PRPSAP1: variants seen among roughly 807,000 people sequenced by gnomAD.
The protein encoded by PRPSAP1 is phosphoribosyl pyrophosphate synthetase associated protein 1.
A neutral mutation model predicts 39.4 loss-of-function variants in PRPSAP1; 31 were observed. The ratio of observed to expected loss-of-function variants is 0.79; its 90% CI spans 0.59 to 1.06. PRPSAP1 has a LOEUF of 1.06. PRPSAP1 is among the 50% of genes least tolerant of loss of function. The probability of loss-of-function intolerance (pLI) is 0.00; values close to 1 mark genes in which losing one functional copy is unlikely to be tolerated. For missense variants in PRPSAP1, 430 were observed against 511.6 expected (o/e 0.84, Z 1.54); for synonymous variants, 212 against 192.6 (o/e 1.10, Z -0.83).
chr17:76,349,754 TC>T (rs1166138856), intron 1 of PRPSAP1, among the ~76,000 whole-genome samples: 10 of 151,142 alleles, frequency 6.6e-5, no homozygotes, highest in Non-Finnish European at 7.4e-5. Context: ...GGAGCGAAAC[TC>T]CATCTCAAAA....
chr17:76,353,267 C>T (rs1431724914), intron 1 of PRPSAP1: 6 of 462,304 alleles, frequency 1.3e-5, no homozygotes, highest in East Asian at 3.9e-5. Flanking sequence ...GGGTGTGGGA[C>T]TGCGGAGACG....
Position 76,320,341 on chromosome 17 carries a change from G to GAGGGAGGA in PRPSAP1, c.782-6451_782-6450insTCCTCCCT, listed in dbSNP as rs1555592793. Among the ~76,000 whole-genome samples the GAGGGAGGA allele has an allele frequency of 2.3e-3, 159 of 68,456 alleles. 1 individual carries two copies. The highest frequency in any genetic ancestry group is 0.016 in the African/African-American group (155 of 9,482). 44.9% of individuals were successfully genotyped at this position (68,456 alleles called of 152,430 possible). A position where few individuals can be genotyped will look rare whatever the true frequency, so the allele number is the denominator to read the frequency against. On this transcript the variant is annotated intron_variant, in intron 7 of 9. Coordinates refer to ENST00000446526, the MANE Select transcript of PRPSAP1 (RefSeq NM_002766.3). The stretch of plus-strand genomic sequence containing the variant: ...GAAGGGAAGAAGGGAGGGAGGGAGG[G>GAGGGAGGA]AGGAAGGAAGGAAGAAAAAGGAAGA...
At chr17:76,327,376 CG>C (rs1174282244) in intron 7 of PRPSAP1, among the ~76,000 whole-genome samples, 1 of 131,900 alleles carries the variant, frequency 7.6e-6, no homozygotes, top group Admixed American at 7.7e-5. Context: ...AAAAATAGGC[CG>C]GGCACGGTGG....
At chr17:76,337,481 T>A (rs1405185158) in intron 3 of PRPSAP1, 1 of 152,320 alleles carries the variant, frequency 6.6e-6, no homozygotes, top group Non-Finnish European at 1.5e-5. Context: ...AGGCATGGTA[T>A]ACGCATTCAT....
In PRPSAP1 at chr17:76,332,250, C is replaced by T. The variant is rs374968382; in HGVS notation, c.463+13G>A. ...GATCATGCTGGAACCCCAGGGCCCC[C>T]GCGCACACTCACCTGCTTTCGCCAG... On this transcript the variant is annotated intron_variant, in intron 4 of 9. Coordinates refer to ENST00000446526, the MANE Select transcript of PRPSAP1 (RefSeq NM_002766.3). The T allele has an allele frequency of 1.6e-5, 25 of 1,612,760 alleles. 1 individual carries two copies. Among genetic ancestry groups the T allele is most frequent in the African/African-American group, 1.5e-4 (11 of 74,906 alleles).
chr17:76,350,332 G>A (rs139174719), intron 1 of PRPSAP1, among the ~76,000 whole-genome samples: 2,330 of 151,708 alleles, frequency 0.015, 62 homozygotes, highest in African/African-American at 0.052. Flanking sequence ...CCAGCTACTC[G>A]GGAGGCTGAG....
rs114416497 is a variant in PRPSAP1, at chr17:76,346,558, T to C, written c.224-1821A>G. 4.0e-3 allele frequency among the ~76,000 whole-genome samples: 605 copies of C among 152,344 alleles called. 8 individuals are homozygous for C. Among genetic ancestry groups the C allele is most frequent in the African/African-American group, 0.014 (574 of 41,594 alleles). ...AATCTGGACCTTCCAGTGATGCCACTGAGATGGCGCCCCTCAAAAGAGCAG... is the reference window on the plus strand; with the variant it reads ...AATCTGGACCTTCCAGTGATGCCACCGAGATGGCGCCCCTCAAAAGAGCAG... On this transcript the variant is annotated intron_variant, in intron 2 of 9. Coordinates refer to ENST00000446526, the MANE Select transcript of PRPSAP1 (RefSeq NM_002766.3).
Position 76,353,844 on chromosome 17 carries a change from G to A in PRPSAP1, c.-141C>T. The A allele has an allele frequency of 2.2e-6, 3 of 1,377,414 alleles. No individual in the cohort carries two copies. Among genetic ancestry groups the A allele is most frequent in the Middle Eastern group, 2.7e-4 (1 of 3,732 alleles). 85.3% of individuals were successfully genotyped at this position (1,377,414 alleles called of 1,614,324 possible). A position where few individuals can be genotyped will look rare whatever the true frequency, so the allele number is the denominator to read the frequency against. On this transcript the variant is annotated 5_prime_UTR_variant, in exon 1 of 10. Transcript: ENST00000446526. ...GGAGAGCTCCGAGGTCCGTGCCCTT[G>A]CGCACCCCACACCACTGACTACAGC... is the stretch of plus-strand genomic sequence containing the variant.
At chr17:76,352,663 A>T (rs113420155) in intron 1 of PRPSAP1, among the ~76,000 whole-genome samples, 2 of 144,806 alleles carry the variant, frequency 1.4e-5, no homozygotes, top group African/African-American at 5.3e-5. Flanking sequence ...AAAAAAAAAA[A>T]AAAAGAAAAG....
chr17:76,345,994 G>A (rs2071496769), intron 2 of PRPSAP1: 2 of 469,786 alleles, frequency 4.3e-6, no homozygotes, highest in Admixed American at 2.4e-5. Flanking sequence ...AGGGAGAGAA[G>A]GTACCCAAGG....
intron 7 of PRPSAP1, among the ~76,000 whole-genome samples, chr17:76,328,076 A>C (rs184128953): frequency 6.6e-6 from 1 of 151,916 alleles, no homozygotes; most frequent in African/African-American, 2.4e-5. Context: ...GTACCCCTAC[A>C]GTCCCAGCTA....
rs570583112 is a variant in PRPSAP1 at position 76,317,506 on chromosome 17, G to A, written c.782-3615C>T. On this transcript the variant is annotated intron_variant, in intron 7 of 9. Transcript: ENST00000446526. The stretch of plus-strand genomic sequence containing the variant: ...CCACTGCACTCTAGCCTGGGTGACA[G>A]AACGAGACTCCATCTCAGAAAAATA... Among the ~76,000 whole-genome samples, 17 of 152,322 alleles carry A rather than the reference G, an allele frequency of 1.1e-4. No homozygotes were observed. In the South Asian group the frequency reaches 3.3e-3, roughly 30 times the overall value.
chr17:76,316,882 T>C (rs2071130490), intron 7 of PRPSAP1, among the ~76,000 whole-genome samples: 1 of 152,214 alleles, frequency 6.6e-6, no homozygotes. Context: ...CACGCTTCCA[T>C]CACAAGTACA....
chr17:76,331,120 T>C (rs1360048622), intron 4 of PRPSAP1, among the ~76,000 whole-genome samples: 1 of 152,196 alleles, frequency 6.6e-6, no homozygotes, highest in Non-Finnish European at 1.5e-5. Context: ...CACAAAGATA[T>C]TGAAGCTTAG....
At chr17:76,353,242 G>A (rs1352768137) in intron 1 of PRPSAP1, 1 of 376,954 alleles carries the variant, frequency 2.7e-6, no homozygotes, top group Non-Finnish European at 4.8e-6. Flanking sequence ...GCTCCAGAAA[G>A]CTCGGCCCGC....
chr17:76,322,624 T>A (rs2071210048), intron 7 of PRPSAP1, among the ~76,000 whole-genome samples: 1 of 152,158 alleles, frequency 6.6e-6, no homozygotes, highest in South Asian at 2.1e-4. Flanking sequence ...GAGGATTACT[T>A]GAGCCAATGA....
chr17:76,323,008 G>A lies in PRPSAP1; in HGVS notation c.781+5709C>T, dbSNP rs1302592515. ...AGATCCTGTCACTGTACTCCAGCCT[G>A]GACAGCAGACAGAGACCCCGCCTCT... On this transcript the variant is annotated intron_variant, in intron 7 of 9. Transcript: ENST00000446526. Among the ~76,000 whole-genome samples the A allele has an allele frequency of 2.6e-5, 4 of 151,734 alleles. No homozygotes were observed. The East Asian group carries it at 7.8e-4, about 29-fold the overall frequency.
chr17:76,342,740 A>C (rs969578918), intron 3 of PRPSAP1, among the ~76,000 whole-genome samples: 2 of 151,394 alleles, frequency 1.3e-5, no homozygotes, highest in African/African-American at 4.9e-5. Flanking sequence ...AAAAAAAAGA[A>C]AGTCAAATAA....
chr17:76,328,851 T>G lies in PRPSAP1; in HGVS notation c.647A>C (p.Tyr216Ser). The G allele has an allele frequency of 6.2e-7, 1 of 1,614,036 alleles. No individual in the cohort carries two copies. The highest frequency in any genetic ancestry group is 8.5e-7 in the Non-Finnish European group (1 of 1,179,988). Residue 216 changes from tyrosine (Y) to serine (S), a missense_variant, in exon 7 of 10, where the codon TAT (tyrosine) becomes TCT (serine). By Grantham distance (144) the Tyr-to-Ser change is moderately radical (BLOSUM62 -2). Coordinates refer to ENST00000446526, the MANE Select transcript of PRPSAP1 (RefSeq NM_002766.3). ...SPDAAKRAQS[Y>S]AERLRLGLAV... ...CAAACCCAGACGCAGTCTCTCCGCA[T>G]AGGACTGGGCCCTAGAAGGACAAAG...
Sources: gnomAD v4.1 joint callset for allele counts (sites outside exome capture counted in the v4.1 genomes callset) on GRCh38, gnomAD v4.1.1 for gene constraint, MANE v1.5 for transcripts, NCBI Gene and HGNC (gene_info 2026-07-23, HGNC 2026-07-21) for gene names.